The following HEATR5B variants were observed in gnomAD, a reference collection of about 807,000 sequenced individuals.
The protein encoded by HEATR5B is HEAT repeat-containing protein 5B.
In HEATR5B, 156 loss-of-function variants were observed where a neutral mutation model predicts 224.1. That is an observed-to-expected ratio of 0.70 (90% CI 0.61 to 0.80). The LOEUF (loss-of-function observed/expected upper bound fraction) is 0.80. HEATR5B is among the 30% of genes least tolerant of loss of function. The pLI, the probability that HEATR5B is intolerant of heterozygous loss-of-function variation, is 0.00. For missense variants in HEATR5B, 2,323 were observed against 2,535.5 expected (o/e 0.92, Z 1.80); for synonymous variants, 1,027 against 893.0 (o/e 1.15, Z -2.68).
chr2:37,015,052 G>T (rs1394392691), intron 26 of HEATR5B, among the ~76,000 whole-genome samples: 12 of 152,136 alleles, frequency 7.9e-5, no homozygotes. Context: ...CAGATTGAAT[G>T]AACACATGGG....
At chr2:37,078,817 C>T (rs1226356314) in intron 3 of HEATR5B, among the ~76,000 whole-genome samples, 2 of 152,174 alleles carry the variant, frequency 1.3e-5, no homozygotes, top group Non-Finnish European at 2.9e-5. Context: ...TAACTTTACT[C>T]ATATCAAAGG....
intron 31 of HEATR5B, 35 bp from the exon 32 acceptor site, chr2:37,002,607 CA>C (rs762735671): frequency 8.8e-5 from 139 of 1,581,176 alleles, no homozygotes; most frequent in African/African-American, 6.5e-4. Context: ...AATTTCCAGC[CA>C]AAAAAAAGTA....
intron 32 of HEATR5B, among the ~76,000 whole-genome samples, chr2:37,001,539 T>C (rs1408094547): frequency 2.6e-5 from 4 of 152,120 alleles, no homozygotes; most frequent in African/African-American, 7.2e-5. Context: ...TGTCTAATCT[T>C]TTGGCTTCCC....
intron 35 of HEATR5B, 81 bp downstream of exon 35, chr2:36,988,565 C>G (rs1361442008): frequency 8.8e-6 from 11 of 1,245,948 alleles, no homozygotes; most frequent in African/African-American, 1.5e-5. Flanking sequence ...CCCAGCAGGC[C>G]TGTTTCTAAT....
At chr2:37,038,554 C>A (rs1404546900) in intron 20 of HEATR5B, among the ~76,000 whole-genome samples, 1 of 152,170 alleles carries the variant, frequency 6.6e-6, no homozygotes, top group Non-Finnish European at 1.5e-5. Context: ...TTGATAAACA[C>A]CTATGCTTAA....
chr2:37,053,429 C>A, intron 17 of HEATR5B, 73 bp downstream of exon 17: 3 of 729,754 alleles, frequency 4.1e-6, no homozygotes, highest in African/African-American at 1.8e-5. Context: ...TTATAATAAT[C>A]TTGCTATGTC....
intron 21 of HEATR5B, among the ~76,000 whole-genome samples, chr2:37,034,237 A>T (rs1173777289): frequency 6.7e-6 from 1 of 149,446 alleles, no homozygotes; most frequent in Admixed American, 6.6e-5. Flanking sequence ...CCATCTCCTG[A>T]CCTTCTGATC....
intron 8 of HEATR5B, among the ~76,000 whole-genome samples, chr2:37,066,361 T>C (rs554457869): frequency 3.7e-4 from 56 of 152,308 alleles, no homozygotes; most frequent in Middle Eastern, 6.8e-3. Context: ...TCAGTGCATA[T>C]AAAGAATTTA....
chr2:37,058,989 T>C lies in HEATR5B; in HGVS notation c.1850-2A>G. 6.3e-7 allele frequency: 1 copy of C among 1,593,896 alleles called. No homozygotes were observed. Among genetic ancestry groups the C allele is most frequent in the Non-Finnish European group, 8.6e-7 (1 of 1,166,374 alleles). ...AATGTGCAACGAAGCTCCTCATGGC[T>C]AGATAAAATGTTTAAAAGGACAGAT... is the stretch of plus-strand genomic sequence containing the variant. On this transcript the variant is annotated splice_acceptor_variant, in intron 12 of 35. Transcript: ENST00000233099. LOFTEE classifies it high-confidence loss of function.
At position 37,060,562 on chromosome 2, in the gene HEATR5B, C is replaced by T. The variant is rs1204523503; in HGVS notation, c.1849+19G>A. The T allele has an allele frequency of 6.3e-6, 10 of 1,595,638 alleles. No homozygotes were observed. Among genetic ancestry groups the T allele is most frequent in the African/African-American group, 1.3e-5 (1 of 74,266 alleles). Reference sequence around the variant, plus strand: ...AGTTATGTCATAATATTGTGAAGCACAATCCTTTCAGTTCTTACCACATAG... The same window carrying T: ...AGTTATGTCATAATATTGTGAAGCATAATCCTTTCAGTTCTTACCACATAG... On this transcript the variant is annotated intron_variant, in intron 12 of 35. Transcript: ENST00000233099.
intron 21 of HEATR5B, 58 bp from the exon 22 acceptor site, chr2:37,032,831 T>G: frequency 1.4e-6 from 2 of 1,464,354 alleles, no homozygotes; most frequent in Middle Eastern, 1.8e-4. Context: ...TTCTTTAATC[T>G]TATTTGCCCA....
At chr2:37,039,759 G>T (rs1335424201) in intron 20 of HEATR5B, among the ~76,000 whole-genome samples, 1 of 152,156 alleles carries the variant, frequency 6.6e-6, no homozygotes, top group Non-Finnish European at 1.5e-5. Flanking sequence ...CTAACCATTA[G>T]TAGAATTAGC....
chr2:37,048,791 G>C (rs997385322), intron 18 of HEATR5B, among the ~76,000 whole-genome samples: 5 of 151,982 alleles, frequency 3.3e-5, no homozygotes, highest in Non-Finnish European at 5.9e-5. Context: ...AGTGCATTAG[G>C]GCATTACCAA....
At position 37,027,198 on chromosome 2, in the gene HEATR5B, T is replaced by A. The variant is rs74409616; in HGVS notation, c.3853+725A>T. 3.3e-5 allele frequency among the ~76,000 whole-genome samples: 5 copies of A among 152,336 alleles called. No individual in the cohort carries two copies. In the East Asian group the frequency reaches 9.6e-4, roughly 29 times the overall value. On this transcript the variant is annotated intron_variant, in intron 24 of 35. Transcript: ENST00000233099. Reference sequence around the variant, plus strand: ...TTTCAATTCATAGACGTCAATATTGTTAACACATACAATTTGTCTTCAGAT... The same window carrying A: ...TTTCAATTCATAGACGTCAATATTGATAACACATACAATTTGTCTTCAGAT...
chr2:37,040,971 A>G, intron 19 of HEATR5B, 162 bp downstream of exon 19: 2 of 588,952 alleles, frequency 3.4e-6, no homozygotes, highest in Non-Finnish European at 5.9e-6. Flanking sequence ...GACAGACTTT[A>G]AGACTAGGCT....
chr2:37,002,533 C>T lies in HEATR5B; in HGVS notation c.5090G>A (p.Gly1697Glu), dbSNP rs1370240735. The T allele has an allele frequency of 1.2e-6, 2 of 1,614,172 alleles. No individual in the cohort carries two copies. The highest frequency in any genetic ancestry group is 1.7e-6 in the Non-Finnish European group (2 of 1,180,030). ...GAGACCACCGCTGTCACCTCCTTCT[C>T]CCAATACGGTACAGGCCTCTTTTTC... ...DMEKEACTVLGEGGDSGGLIP... is the reference protein window; with the variant it reads ...DMEKEACTVLEEGGDSGGLIP... Residue 1697 changes from glycine to glutamate, a missense_variant, in exon 32 of 36, where the codon GGA (glycine) becomes GAA (glutamate). Physicochemically the swap from Gly to Glu is moderately conservative, Grantham distance 98. Coordinates refer to ENST00000233099, the MANE Select transcript of HEATR5B (RefSeq NM_019024.3).
chr2:37,011,043 C>T (rs962080353), intron 27 of HEATR5B, among the ~76,000 whole-genome samples: 1 of 152,102 alleles, frequency 6.6e-6, no homozygotes, highest in African/African-American at 2.4e-5. Flanking sequence ...TTATCTTCTA[C>T]AAAGATAATC....
In HEATR5B at chr2:37,003,030, G is replaced by T. The variant is rs867080544; in HGVS notation, c.5051-458C>A. ...TCTCAGCACTTTGGGATGCTGAGAT[G>T]GACGGATCACTTGGGCTCAGGAGTT... On this transcript the variant is annotated intron_variant, in intron 31 of 35. Transcript: ENST00000233099. Among the ~76,000 whole-genome samples, 6 of 151,964 alleles carry T rather than the reference G, an allele frequency of 3.9e-5. 1 individual carries two copies. The South Asian group carries it at 1.2e-3, about 32-fold the overall frequency.
intron 8 of HEATR5B, 140 bp downstream of exon 8, chr2:37,068,541 C>G: frequency 4.7e-6 from 4 of 848,708 alleles, no homozygotes; most frequent in Non-Finnish European, 7.1e-6. Flanking sequence ...ATTTTAATAT[C>G]AAATAAGAGT....
Sources: allele counts gnomAD v4.1 joint callset (sites outside exome capture counted in the v4.1 genomes callset), GRCh38; gene constraint gnomAD v4.1.1; transcripts MANE v1.5; gene names NCBI Gene and HGNC (gene_info 2026-07-23, HGNC 2026-07-21).